RMRP: variants seen among roughly 807,000 people sequenced by gnomAD.
The protein encoded by RMRP is RNA component of mitochondrial RNA processing endoribonuclease.
chr9:35,657,982 A>G lies in RMRP; in HGVS notation n.36T>C, dbSNP rs961529478. 18 of 700,316 alleles carry G rather than the reference A, an allele frequency of 2.6e-5. No individual in the cohort carries two copies. The highest frequency in any genetic ancestry group is 1.0e-4 in the Admixed American group (5 of 49,996). 43.4% of individuals were successfully genotyped at this position (700,316 alleles called of 1,614,324 possible). On this transcript the variant is annotated non_coding_transcript_exon_variant, in exon 1 of 1. Transcript: ENST00000363046. ...CGGAAAGGGGAGGAACAGAGTCCTC[A>G]GTGTGTAGCCTAGGATACAGGCCTT... is the stretch of plus-strand genomic sequence containing the variant.
In RMRP at chr9:35,657,776, T is replaced by C. The variant is rs551450545; in HGVS notation, n.242A>G. Reference sequence around the variant, plus strand: ...ACAGCCGCGCTGAGAATGAGCCCCGTGTGGTTGGTGCGCGGACACGCACTG... The same window carrying C: ...ACAGCCGCGCTGAGAATGAGCCCCGCGTGGTTGGTGCGCGGACACGCACTG... On this transcript the variant is annotated non_coding_transcript_exon_variant, in exon 1 of 1. Transcript: ENST00000363046. 60 of 696,526 alleles carry C rather than the reference T, an allele frequency of 8.6e-5. No individual in the cohort carries two copies. The highest frequency in any genetic ancestry group is 1.4e-4 in the Non-Finnish European group (52 of 381,676). The allele number at this position is 696,526 out of a possible 1,614,324, so 43.1% of individuals were successfully genotyped here.
Position 35,657,885 on chromosome 9 carries a change from G to A in RMRP, n.133C>T, listed in dbSNP as rs1470438441. ...TACGCTTCTTGGCGGACTTTGGAGT[G>A]GGAAGCGGGGAATGTCTACGTGCGT... On this transcript the variant is annotated non_coding_transcript_exon_variant, in exon 1 of 1. Transcript: ENST00000363046. 4.3e-6 allele frequency: 3 copies of A among 695,524 alleles called. No individual in the cohort carries two copies. The highest frequency in any genetic ancestry group is 5.2e-6 in the Non-Finnish European group (2 of 384,688). 43.1% of individuals were successfully genotyped at this position (695,524 alleles called of 1,614,324 possible).
exon 1 of RMRP, chr9:35,657,915 A>C (rs1406322347): frequency 4.3e-6 from 3 of 700,168 alleles, no homozygotes; most frequent in South Asian, 3.0e-5. Flanking sequence ...GTGCGTATGC[A>C]CGTGGCACTC....
Position 35,657,775 on chromosome 9 carries a change from G to A in RMRP, n.243C>T, listed in dbSNP as rs1260135124. The A allele has an allele frequency of 7.2e-6, 5 of 696,612 alleles. No homozygotes were observed. Among genetic ancestry groups the A allele is most frequent in the Non-Finnish European group, 1.3e-5 (5 of 381,640 alleles). 43.2% of individuals were successfully genotyped at this position (696,612 alleles called of 1,614,324 possible). The stretch of plus-strand genomic sequence containing the variant: ...AACAGCCGCGCTGAGAATGAGCCCC[G>A]TGTGGTTGGTGCGCGGACACGCACT... On this transcript the variant is annotated non_coding_transcript_exon_variant, in exon 1 of 1. Coordinates refer to ENST00000363046, the Ensembl canonical transcript of RMRP.
chr9:35,658,017 C>CCACGTCCT (rs752934195), upstream of RMRP: 78 of 690,272 alleles, frequency 1.1e-4, no homozygotes, highest in Non-Finnish European at 1.6e-5. Context: ...TCAGCACGAA[C>CCACGTCCT]CACGTCCTCA....
rs567665484 is a variant in RMRP at position 35,657,910 on chromosome 9, T to C, written n.108A>G. On this transcript the variant is annotated non_coding_transcript_exon_variant, in exon 1 of 1. Transcript: ENST00000363046. ...GGGAAGCGGGGAATGTCTACGTGCG[T>C]ATGCACGTGGCACTCTCTGCCCGAG... is the stretch of plus-strand genomic sequence containing the variant. 12 of 699,614 alleles carry C rather than the reference T, an allele frequency of 1.7e-5. No homozygotes were observed. Among genetic ancestry groups the C allele is most frequent in the South Asian group, 1.6e-4 (11 of 67,514 alleles). 43.3% of individuals were successfully genotyped at this position (699,614 alleles called of 1,614,324 possible).
At chr9:35,658,008 C>A (rs1466108662) in exon 1 of RMRP, 1 of 692,566 alleles carries the variant, frequency 1.4e-6, no homozygotes, top group East Asian at 2.7e-5. Flanking sequence ...TACAGGCCTT[C>A]AGCACGAACC....
chr9:35,657,844 A>C (rs1587918077), exon 1 of RMRP: 1 of 693,586 alleles, frequency 1.4e-6, no homozygotes, highest in Non-Finnish European at 2.6e-6. Context: ...CCCCCGCGCC[A>C]CGCCGCTCAG....
rs1314916789 is a variant in RMRP, at chr9:35,657,832, C to T, written n.186G>A. 8.7e-6 allele frequency: 6 copies of T among 693,204 alleles called. No homozygotes were observed. The highest frequency in any genetic ancestry group is 1.0e-5 in the Non-Finnish European group (4 of 384,726). 42.9% of individuals were successfully genotyped at this position (693,204 alleles called of 1,614,324 possible). A position where few individuals can be genotyped will look rare whatever the true frequency, so the allele number is the denominator to read the frequency against. On this transcript the variant is annotated non_coding_transcript_exon_variant, in exon 1 of 1. Coordinates refer to ENST00000363046, the Ensembl canonical transcript of RMRP. ...GTAACTAGAGGGAGCTGACGGATGACGCCCCCGCGCCACGCCGCTCAGCGG... is the reference window on the plus strand; with the variant it reads ...GTAACTAGAGGGAGCTGACGGATGATGCCCCCGCGCCACGCCGCTCAGCGG...
exon 1 of RMRP, chr9:35,658,011 C>A (rs931636767): frequency 4.3e-6 from 3 of 692,270 alleles, no homozygotes; most frequent in South Asian, 3.0e-5. Context: ...AGGCCTTCAG[C>A]ACGAACCACG....
rs750141239 is a variant in RMRP at position 35,657,842 on chromosome 9, C to G, written n.176G>C. 2 of 700,442 alleles carry G rather than the reference C, an allele frequency of 2.9e-6. No homozygotes were observed. Among genetic ancestry groups the G allele is most frequent in the Non-Finnish European group, 5.2e-6 (2 of 384,820 alleles). The allele number at this position is 700,442 out of a possible 1,614,324, so 43.4% of individuals were successfully genotyped here. On this transcript the variant is annotated non_coding_transcript_exon_variant, in exon 1 of 1. Transcript: ENST00000363046. ...GGAGCTGACGGATGACGCCCCCGCG[C>G]CACGCCGCTCAGCGGGATACGCTTC...
Position 35,657,987 on chromosome 9 carries a change from G to A in RMRP, n.31C>T, listed in dbSNP as rs1284380114. ...AGGGGAGGAACAGAGTCCTCAGTGT[G>A]TAGCCTAGGATACAGGCCTTCAGCA... On this transcript the variant is annotated non_coding_transcript_exon_variant, in exon 1 of 1. Transcript: ENST00000363046. 5 of 700,246 alleles carry A rather than the reference G, an allele frequency of 7.1e-6. No homozygotes were observed. The highest frequency in any genetic ancestry group is 3.5e-5 in the African/African-American group (2 of 57,188). The allele number at this position is 700,246 out of a possible 1,614,324, so 43.4% of individuals were successfully genotyped here.
rs1823610431 is a variant in RMRP, at chr9:35,657,854, G to A, written n.164C>T. The A allele has an allele frequency of 2.9e-6, 2 of 700,480 alleles. No homozygotes were observed. The highest frequency in any genetic ancestry group is 5.2e-6 in the Non-Finnish European group (2 of 384,840). The allele number at this position is 700,480 out of a possible 1,614,324, so 43.4% of individuals were successfully genotyped here. On this transcript the variant is annotated non_coding_transcript_exon_variant, in exon 1 of 1. Transcript: ENST00000363046. ...TGACGCCCCCGCGCCACGCCGCTCA[G>A]CGGGATACGCTTCTTGGCGGACTTT...
chr9:35,657,911 A>T, exon 1 of RMRP: 1 of 700,478 alleles, frequency 1.4e-6, no homozygotes, highest in Non-Finnish European at 2.6e-6. Context: ...CTACGTGCGT[A>T]TGCACGTGGC....
chr9:35,657,751 A>C (rs572399988), downstream of RMRP: 1 of 683,546 alleles, frequency 1.5e-6, no homozygotes, highest in South Asian at 1.5e-5. Context: ...GGAACAAAAA[A>C]CAGCCGCGCT....
In RMRP at chr9:35,657,977, T is replaced by C. The variant is rs928731584; in HGVS notation, n.41A>G. On this transcript the variant is annotated non_coding_transcript_exon_variant, in exon 1 of 1. Coordinates refer to ENST00000363046, the Ensembl canonical transcript of RMRP. ...CTAGGCGGAAAGGGGAGGAACAGAGTCCTCAGTGTGTAGCCTAGGATACAG... is the reference window on the plus strand; with the variant it reads ...CTAGGCGGAAAGGGGAGGAACAGAGCCCTCAGTGTGTAGCCTAGGATACAG... 36 of 700,118 alleles carry C rather than the reference T, an allele frequency of 5.1e-5. No homozygotes were observed. The highest frequency in any genetic ancestry group is 8.0e-5 in the Admixed American group (4 of 49,980). The allele number at this position is 700,118 out of a possible 1,614,324, so 43.4% of individuals were successfully genotyped here.
At chr9:35,657,988 T>C (rs565700776) in exon 1 of RMRP, 3 of 699,652 alleles carry the variant, frequency 4.3e-6, no homozygotes, top group South Asian at 1.5e-5. Flanking sequence ...CCTCAGTGTG[T>C]AGCCTAGGAT....
In RMRP at chr9:35,657,801, G is replaced by A. The variant is rs1021056174; in HGVS notation, n.217C>T. ...TGTGGTTGGTGCGCGGACACGCACT[G>A]CCTGCGTAACTAGAGGGAGCTGACG... On this transcript the variant is annotated non_coding_transcript_exon_variant, in exon 1 of 1. Coordinates refer to ENST00000363046, the Ensembl canonical transcript of RMRP. 1.7e-5 allele frequency: 12 copies of A among 700,024 alleles called. No homozygotes were observed. Among genetic ancestry groups the A allele is most frequent in the Non-Finnish European group, 2.6e-5 (10 of 384,576 alleles). The allele number at this position is 700,024 out of a possible 1,614,324, so 43.4% of individuals were successfully genotyped here.
exon 1 of RMRP, chr9:35,657,966 G>A (rs1229819090): frequency 2.9e-6 from 2 of 700,452 alleles, no homozygotes; most frequent in Non-Finnish European, 5.2e-6. Flanking sequence ...GCGGAAAGGG[G>A]AGGAACAGAG....
Sources: gnomAD v4.1 joint callset for allele counts on GRCh38, gnomAD v4.1.1 for gene constraint, MANE v1.5 for transcripts, NCBI Gene and HGNC (gene_info 2026-07-23, HGNC 2026-07-21) for gene names.